Variants in KIAA0232 observed in about 807,000 individuals in gnomAD.
The protein encoded by KIAA0232 is KIAA0232, also known as uncharacterized protein KIAA0232.
Under a neutral mutation model 122.0 loss-of-function variants are expected in KIAA0232, and 27 were observed. That is an observed-to-expected ratio of 0.22 (90% CI 0.16 to 0.31). The LOEUF (loss-of-function observed/expected upper bound fraction) is 0.31. Ranked by LOEUF, KIAA0232 falls within the 10% of genes least tolerant of loss-of-function variation. The pLI, the probability that KIAA0232 is intolerant of heterozygous loss-of-function variation, is 1.00. For synonymous variants in KIAA0232, 613 were observed against 587.6 expected (o/e 1.04, Z -0.63); for missense variants, 1,551 against 1,634.2 (o/e 0.95, Z 0.88).
intron 2 of KIAA0232, among the ~76,000 whole-genome samples, chr4:6,804,957 T>C (rs915117316): frequency 7.2e-5 from 9 of 125,722 alleles, no homozygotes; most frequent in Non-Finnish European, 1.3e-4. Context: ...ATGCTCTCCT[T>C]CTTGGAGGTT....
intron 3 of KIAA0232, among the ~76,000 whole-genome samples, chr4:6,837,185 C>G (rs1307079689): frequency 6.6e-6 from 1 of 151,384 alleles, no homozygotes; most frequent in Non-Finnish European, 1.5e-5. Flanking sequence ...GGGCTCCTCA[C>G]TTCCCAGGCG....
chr4:6,788,016 A>T (rs1716707861), intron 1 of KIAA0232, among the ~76,000 whole-genome samples: 1 of 152,114 alleles, frequency 6.6e-6, no homozygotes. Context: ...CTTTTAGCTT[A>T]ATCTTTTATT....
chr4:6,823,280 T>C (rs1338286790), intron 2 of KIAA0232, among the ~76,000 whole-genome samples: 2 of 152,138 alleles, frequency 1.3e-5, no homozygotes, highest in Non-Finnish European at 2.9e-5. Context: ...TTATAGTCCT[T>C]TGGGTATATA....
chr4:6,849,798 A>G (rs1373730530), intron 4 of KIAA0232, among the ~76,000 whole-genome samples: 1 of 152,160 alleles, frequency 6.6e-6, no homozygotes, highest in Non-Finnish European at 1.5e-5. Flanking sequence ...TCTATTTACT[A>G]AGGAAAAGGA....
chr4:6,819,522 A>G (rs1718319722), intron 2 of KIAA0232, among the ~76,000 whole-genome samples: 1 of 152,238 alleles, frequency 6.6e-6, no homozygotes, highest in South Asian at 2.1e-4. Context: ...ATCGCTGATT[A>G]TCAGAGAAAT....
chr4:6,800,042 T>C (rs1437367910), intron 1 of KIAA0232, among the ~76,000 whole-genome samples: 1 of 93,826 alleles, frequency 1.1e-5, no homozygotes, highest in Non-Finnish European at 2.1e-5. Context: ...TTTCTTTCTT[T>C]CTTTTTTTTT....
intron 1 of KIAA0232, among the ~76,000 whole-genome samples, chr4:6,798,664 A>G (rs902641569): frequency 6.6e-6 from 1 of 152,136 alleles, no homozygotes; most frequent in Non-Finnish European, 1.5e-5. Flanking sequence ...CGAGCCTCCC[A>G]CCTCAACCTT....
rs997846264 is a variant in KIAA0232, at chr4:6,861,406, G to A, written c.1024G>A (p.Ala342Thr). ...SRLSLKHGEKAERNIHTGSSS... is the reference protein window; with the variant it reads ...SRLSLKHGEKTERNIHTGSSS... ...GCTTTCTTTGAAGCACGGTGAAAAGGCTGAAAGGAACATTCATACTGGAAG... is the reference window on the plus strand; with the variant it reads ...GCTTTCTTTGAAGCACGGTGAAAAGACTGAAAGGAACATTCATACTGGAAG... Residue 342 changes from alanine to threonine, a missense_variant, in exon 7 of 10, where the codon GCT (alanine) becomes ACT (threonine). Ala to Thr is a moderately conservative substitution (Grantham distance 58). Transcript: ENST00000307659. 1.9e-6 allele frequency: 3 copies of A among 1,614,092 alleles called. No individual in the cohort carries two copies. Among genetic ancestry groups the A allele is most frequent in the Non-Finnish European group, 2.5e-6 (3 of 1,180,046 alleles).
At chr4:6,843,095 TTC>T (rs1719752450) in intron 4 of KIAA0232, among the ~76,000 whole-genome samples, 1 of 152,250 alleles carries the variant, frequency 6.6e-6, no homozygotes, top group Admixed American at 6.5e-5. Context: ...TATAAAATAT[TTC>T]TCATGTCTTT....
intron 2 of KIAA0232, among the ~76,000 whole-genome samples, chr4:6,819,953 G>A (rs146767347): frequency 4.3e-4 from 65 of 152,236 alleles, no homozygotes; most frequent in African/African-American, 1.3e-3. Context: ...TTGCAGCAAC[G>A]TGGATGCAGC....
intron 3 of KIAA0232, among the ~76,000 whole-genome samples, chr4:6,836,835 G>C (rs1047062776): frequency 6.6e-6 from 1 of 151,832 alleles, no homozygotes; most frequent in Non-Finnish European, 1.5e-5. Context: ...AGTGGACACA[G>C]CACATGTTTC....
At chr4:6,870,216 G>C (rs1037901151) in intron 7 of KIAA0232, among the ~76,000 whole-genome samples, 8 of 152,218 alleles carry the variant, frequency 5.3e-5, no homozygotes, top group African/African-American at 1.9e-4. Context: ...AGTTCTCACT[G>C]GCCAAGCAGG....
chr4:6,872,504 T>A (rs983619088), intron 8 of KIAA0232, among the ~76,000 whole-genome samples: 1 of 152,172 alleles, frequency 6.6e-6, no homozygotes, highest in Non-Finnish European at 1.5e-5. Context: ...GCCTTCCAGG[T>A]AGACACCCAG....
intron 3 of KIAA0232, among the ~76,000 whole-genome samples, chr4:6,829,889 A>G (rs1389113422): frequency 1.3e-5 from 2 of 152,244 alleles, no homozygotes; most frequent in Non-Finnish European, 1.5e-5. Flanking sequence ...ATGCACTAGC[A>G]GATGAGGGTG....
At chr4:6,792,863 TG>T (rs1716967781) in intron 1 of KIAA0232, among the ~76,000 whole-genome samples, 1 of 152,086 alleles carries the variant, frequency 6.6e-6, no homozygotes, top group Non-Finnish European at 1.5e-5. Flanking sequence ...CTAATGTTTT[TG>T]TATTTTTAGT....
chr4:6,810,984 C>A (rs1481585723), intron 2 of KIAA0232, among the ~76,000 whole-genome samples: 1 of 152,094 alleles, frequency 6.6e-6, no homozygotes, highest in African/African-American at 2.4e-5. Context: ...AAAGGAAACT[C>A]TTAAAGATTT....
chr4:6,824,430 T>G lies in KIAA0232; in HGVS notation c.-24T>G. On this transcript the variant is annotated 5_prime_UTR_variant, in exon 3 of 10. An upstream open reading frame in the 5' UTR gains an earlier in-frame stop. Coordinates refer to ENST00000307659, the MANE Select transcript of KIAA0232 (RefSeq NM_014743.3). ...CAACTGCAGAAAATGCTTCACATTTTAAGGATGTCGGCAACCTAAATTCAT... is the reference window on the plus strand; with the variant it reads ...CAACTGCAGAAAATGCTTCACATTTGAAGGATGTCGGCAACCTAAATTCAT... 1.3e-6 allele frequency: 2 copies of G among 1,584,674 alleles called. No homozygotes were observed. The highest frequency in any genetic ancestry group is 1.7e-6 in the Non-Finnish European group (2 of 1,153,154).
At chr4:6,866,463 G>A (rs757471605) in intron 7 of KIAA0232, among the ~76,000 whole-genome samples, 1 of 152,228 alleles carries the variant, frequency 6.6e-6, no homozygotes, top group Non-Finnish European at 1.5e-5. Context: ...GCAGGAGGCT[G>A]AGTGACCTGA....
chr4:6,878,302 G>A (rs1721857789), intron 9 of KIAA0232, among the ~76,000 whole-genome samples: 1 of 152,178 alleles, frequency 6.6e-6, no homozygotes, highest in African/African-American at 2.4e-5. Flanking sequence ...TTGAACCCAG[G>A]AGGTAGAGAT....
Sources: allele counts gnomAD v4.1 joint callset (sites outside exome capture counted in the v4.1 genomes callset), GRCh38; gene constraint gnomAD v4.1.1; transcripts MANE v1.5; gene names NCBI Gene and HGNC (gene_info 2026-07-23, HGNC 2026-07-21).